The following AVEN variants were observed in gnomAD, a reference collection of about 807,000 sequenced individuals.
AVEN encodes apoptosis and caspase activation inhibitor, also known as cell death regulator Aven.
In AVEN, 41 loss-of-function variants were observed where a neutral mutation model predicts 38.1. The observed-to-expected ratio is 1.08, with a 90% CI of 0.84 to 1.40. The LOEUF (loss-of-function observed/expected upper bound fraction) is 1.40, where lower values mean the gene tolerates loss of function less well. AVEN is among the 40% of genes most tolerant of loss of function. The pLI is 0.00. For synonymous variants in AVEN, 206 were observed against 171.8 expected (o/e 1.20, Z -1.56); for missense variants, 605 against 438.8 (o/e 1.38, Z -3.38).
chr15:33,997,189 T>C lies in AVEN; in HGVS notation c.445+5843A>G, dbSNP rs979391602. On this transcript the variant is annotated intron_variant, in intron 2 of 5. Transcript: ENST00000306730. The stretch of plus-strand genomic sequence containing the variant: ...ACAGCATAAACAGTAGGATAGAAAA[T>C]TGATAAATTCAACTAAAATTTAAAA... Among the ~76,000 whole-genome samples, 4 of 152,200 alleles carry C rather than the reference T, an allele frequency of 2.6e-5. No individual in the cohort carries two copies. The East Asian group carries it at 5.8e-4, about 22-fold the overall frequency.
In AVEN at chr15:33,867,764, G is replaced by C; in HGVS notation, c.704C>G (p.Pro235Arg). 2 of 1,614,066 alleles carry C rather than the reference G, an allele frequency of 1.2e-6. No homozygotes were observed. The highest frequency in any genetic ancestry group is 1.7e-6 in the Non-Finnish European group (2 of 1,180,004). Reference sequence around the variant, plus strand: ...CTCAAAGATGGGCCCCCTTCCTCCAGGCCCCAAGGGCCCCTTTAACTGCAT... The same window carrying C: ...CTCAAAGATGGGCCCCCTTCCTCCACGCCCCAAGGGCCCCTTTAACTGCAT... ...LGMQLKGPLG[P>R]GGRGPIFELK... The change falls in exon 5 of 6, where the codon CCT (proline) becomes CGT (arginine). Residue 235 changes from proline to arginine, a missense_variant. Coordinates refer to ENST00000306730, the MANE Select transcript of AVEN (RefSeq NM_020371.3).
intron 2 of AVEN, among the ~76,000 whole-genome samples, chr15:33,917,054 C>A (rs79413403): frequency 0.027 from 4,087 of 152,108 alleles, 213 homozygotes; most frequent in African/African-American, 0.094. Context: ...CCCACTGGGT[C>A]TCTCCCACAA....
intron 4 of AVEN, chr15:34,064,149 C>A: frequency 6.2e-7 from 1 of 1,614,218 alleles, no homozygotes; most frequent in Non-Finnish European, 8.5e-7. Flanking sequence ...CACCCTGTGG[C>A]ACTTGGGCTA....
intron 5 of AVEN, among the ~76,000 whole-genome samples, chr15:34,048,516 C>G (rs1253260118): frequency 6.6e-6 from 1 of 151,866 alleles, no homozygotes; most frequent in African/African-American, 2.4e-5. Flanking sequence ...TTCAGCCACT[C>G]TAGCCAGGGT....
At chr15:34,041,403 T>G (rs1899472180), upstream of AVEN, among the ~76,000 whole-genome samples, 1 of 152,166 alleles carries the variant, frequency 6.6e-6, no homozygotes, top group Admixed American at 6.5e-5. Flanking sequence ...TTTGGGCAAA[T>G]GTCTGGTATG....
rs1261270650 is a variant in AVEN, at chr15:33,986,106, T to G, written c.445+16926A>C. Among the ~76,000 whole-genome samples the G allele has an allele frequency of 4.0e-5, 6 of 150,746 alleles. No individual in the cohort carries two copies. In the East Asian group the frequency reaches 9.8e-4, roughly 25 times the overall value. On this transcript the variant is annotated intron_variant, in intron 2 of 5. Transcript: ENST00000306730. ...TTTCACTGTAAATTTTTTTTTTTGT[T>G]TTTTGTTTTTTGTTTTTTGAGATGG...
chr15:33,919,772 G>A (rs1390305169), intron 2 of AVEN, among the ~76,000 whole-genome samples: 1 of 152,108 alleles, frequency 6.6e-6, no homozygotes, highest in Admixed American at 6.5e-5. Flanking sequence ...GCACATTCCA[G>A]GTATTTGGCC....
intron 2 of AVEN, chr15:33,972,323 T>C (rs1033372704): frequency 2.0e-5 from 3 of 151,720 alleles, no homozygotes; most frequent in Non-Finnish European, 2.9e-5. Context: ...ACTCAGAAAA[T>C]TGAAAAATTA....
chr15:33,965,090 T>TA (rs1895335821), intron 2 of AVEN, among the ~76,000 whole-genome samples: 1 of 152,166 alleles, frequency 6.6e-6, no homozygotes, highest in African/African-American at 2.4e-5. Context: ...TCAGAGCTGT[T>TA]AAAAATTATG....
At chr15:33,853,486 G>A in the AVEN span, 1 of 1,550,776 alleles carries the variant, frequency 6.4e-7, no homozygotes, top group Non-Finnish European at 8.7e-7. Flanking sequence ...AAGCTCTGAA[G>A]ACCCCAGAGC....
chr15:33,911,397 C>G lies in AVEN; in HGVS notation c.446-35402G>C, dbSNP rs115743220. ...GTGTTTAGCTTTGTTCCCTGCCCCC[C>G]TCCTTTTTTGCTAACATACCTTTGA... On this transcript the variant is annotated intron_variant, in intron 2 of 5. Transcript: ENST00000306730. Among the ~76,000 whole-genome samples, 532 of 151,186 alleles carry G rather than the reference C, an allele frequency of 3.5e-3. 3 individuals carry two copies. The highest frequency in any genetic ancestry group is 5.0e-3 in the Non-Finnish European group (343 of 67,938).
At chr15:34,070,548 C>T (rs1056961091) in intron 2 of AVEN, among the ~76,000 whole-genome samples, 2 of 151,896 alleles carry the variant, frequency 1.3e-5, no homozygotes, top group African/African-American at 4.8e-5. Context: ...ACAGCCACTC[C>T]TCTGGCCCTC....
At chr15:33,886,051 A>T (rs1243513324) in intron 2 of AVEN, among the ~76,000 whole-genome samples, 2 of 152,198 alleles carry the variant, frequency 1.3e-5, no homozygotes, top group Non-Finnish European at 2.9e-5. Context: ...CTTAGAACTG[A>T]TCTGTAGTAT....
chr15:33,925,406 T>G (rs553323844), intron 2 of AVEN, among the ~76,000 whole-genome samples: 1 of 152,316 alleles, frequency 6.6e-6, no homozygotes, highest in East Asian at 1.9e-4. Context: ...GAAGTCTGGC[T>G]AAAGACTTTA....
rs2153053288 is a variant in AVEN at position 33,939,317 on chromosome 15, A to ATT, written c.446-63323_446-63322insAA. ...TTCATTAATTAATTACAATTCATAAACTGCCAGAGTATCAAATGGAACCAT... is the reference window on the plus strand; with the variant it reads ...TTCATTAATTAATTACAATTCATAAATTCTGCCAGAGTATCAAATGGAACCAT... On this transcript the variant is annotated intron_variant, in intron 2 of 5. Transcript: ENST00000306730. Among the ~76,000 whole-genome samples the ATT allele has an allele frequency of 3.3e-5, 5 of 152,334 alleles. No individual in the cohort carries two copies. The South Asian group carries it at 1.0e-3, about 32-fold the overall frequency.
intron 2 of AVEN, among the ~76,000 whole-genome samples, chr15:33,894,509 T>C (rs547868440): frequency 0.1 from 5,434 of 53,568 alleles, 154 homozygotes; most frequent in Middle Eastern, 0.18. Flanking sequence ...GATAGGGTTT[T>C]TCTCTTAAAA....
intron 11 of AVEN, among the ~76,000 whole-genome samples, chr15:33,860,145 G>A (rs1054516328): frequency 1.3e-5 from 2 of 152,200 alleles, no homozygotes; most frequent in African/African-American, 2.4e-5. Flanking sequence ...CAAGATTGGA[G>A]AAAGATGATA....
intron 1 of AVEN, among the ~76,000 whole-genome samples, chr15:34,031,333 C>T (rs1391059807): frequency 6.6e-6 from 1 of 151,952 alleles, no homozygotes; most frequent in Non-Finnish European, 1.5e-5. Context: ...TGCCACCATG[C>T]CTGGCTAATT....
intron 4 of AVEN, among the ~76,000 whole-genome samples, chr15:33,869,236 C>T (rs80180288): frequency 0.043 from 6,471 of 152,186 alleles, 259 homozygotes; most frequent in East Asian, 0.2. Flanking sequence ...TTTAACTCCC[C>T]AGGTGATTCT....
Sources: gnomAD v4.1 joint callset for allele counts (sites outside exome capture counted in the v4.1 genomes callset) on GRCh38, gnomAD v4.1.1 for gene constraint, MANE v1.5 for transcripts, NCBI Gene and HGNC (gene_info 2026-07-23, HGNC 2026-07-21) for gene names.